The following SQLE variants were observed in gnomAD, a reference collection of about 807,000 sequenced individuals.
SQLE encodes squalene epoxidase.
SQLE carries 29 observed loss-of-function variants against 60.7 expected under a neutral mutation model. The observed-to-expected ratio is 0.48, with a 90% CI of 0.36 to 0.65. The LOEUF (loss-of-function observed/expected upper bound fraction) is 0.65, where lower values mean the gene tolerates loss of function less well. Ranked by LOEUF, SQLE falls within the 30% of genes least tolerant of loss-of-function variation. The pLI is 0.00. For synonymous variants in SQLE, 237 were observed against 246.8 expected, an observed-to-expected ratio of 0.96 and a Z score of 0.37; for missense variants, 605 against 684.1, an observed-to-expected ratio of 0.88 and a Z score of 1.29.
At chr8:125,001,488 GTA>G (rs1554587050) in intron 1 of SQLE, among the ~76,000 whole-genome samples, 3,235 of 113,754 alleles carry the variant, frequency 0.028, 73 homozygotes, top group Admixed American at 0.064. Flanking sequence ...GTGTGTGTGT[GTA>G]TATAAAACAG....
At chr8:125,004,117 C>T (rs920351631) in intron 2 of SQLE, among the ~76,000 whole-genome samples, 4 of 152,120 alleles carry the variant, frequency 2.6e-5, no homozygotes, top group Admixed American at 2.6e-4. Context: ...CATTTTATGT[C>T]ACTAATATAT....
chr8:125,006,841 A>AT (rs989373580), intron 3 of SQLE, among the ~76,000 whole-genome samples: 76 of 151,448 alleles, frequency 5.0e-4, no homozygotes, highest in African/African-American at 1.7e-3. Context: ...AGTAGCTGGG[A>AT]TTACAGGCAC....
chr8:124,999,133 G>A lies in SQLE; in HGVS notation c.-271G>A. The stretch of plus-strand genomic sequence containing the variant: ...GGAATATCTGGATTTCCTGGGCGAG[G>A]AGGAGCGAGTCTGCTCGGGAGCTGT... On this transcript the variant is annotated 5_prime_UTR_variant, in exon 1 of 11. Transcript: ENST00000265896. The A allele has an allele frequency of 5.3e-6, 2 of 375,762 alleles. No individual in the cohort carries two copies. Among genetic ancestry groups the A allele is most frequent in the African/African-American group, 2.1e-5 (1 of 48,432 alleles). 23.3% of individuals were successfully genotyped at this position (375,762 alleles called of 1,614,324 possible).
chr8:125,003,404 G>C lies in SQLE; in HGVS notation c.520G>C (p.Val174Leu). The change falls in exon 2 of 11, where the codon GTT (valine) becomes CTT (leucine). Residue 174 changes from valine to leucine, a missense_variant. Transcript: ENST00000265896. The part of the protein sequence containing the change: ...GEFLQPGGYH[V>L]LKDLGLGDTV... ...ATTCCTGCAGCCGGGTGGTTATCATGTTCTCAAAGACCTTGGTCTTGGAGG... is the reference window on the plus strand; with the variant it reads ...ATTCCTGCAGCCGGGTGGTTATCATCTTCTCAAAGACCTTGGTCTTGGAGG... 1 of 1,613,986 alleles carries C rather than the reference G, an allele frequency of 6.2e-7. No individual in the cohort carries two copies. The highest frequency in any genetic ancestry group is 8.5e-7 in the Non-Finnish European group (1 of 1,179,888).
intron 3 of SQLE, 78 bp from the exon 4 acceptor site, chr8:125,007,313 C>G: frequency 1.9e-6 from 2 of 1,071,588 alleles, no homozygotes; most frequent in Non-Finnish European, 2.6e-6. Context: ...TATGGATAAA[C>G]TGGAGATAAG....
At position 125,021,419 on chromosome 8, in the gene SQLE, G is replaced by C. The variant is rs184167379; in HGVS notation, c.1533-334G>C. Among the ~76,000 whole-genome samples the C allele has an allele frequency of 3.2e-3, 484 of 151,488 alleles. 1 individual carries two copies. Among genetic ancestry groups the C allele is most frequent in the Middle Eastern group, 0.01 (3 of 290 alleles). ...CCAGGCCATCTAGATATTTCAGCGT[G>C]GTGTCTCAGGATGAGTAAACAAACA... On this transcript the variant is annotated intron_variant, in intron 10 of 10. Coordinates refer to ENST00000265896, the MANE Select transcript of SQLE (RefSeq NM_003129.4).
At chr8:124,999,764 G>C in intron 1 of SQLE, 70 bp downstream of exon 1, 1 of 1,478,148 alleles carries the variant, frequency 6.8e-7, no homozygotes, top group Admixed American at 2.5e-5. Context: ...TCAAATATAA[G>C]TTTTATTTGA....
Position 125,016,643 on chromosome 8 carries a change from C to T in SQLE, c.1205-1416C>T, listed in dbSNP as rs999989130. On this transcript the variant is annotated intron_variant, in intron 7 of 10. Coordinates refer to ENST00000265896, the MANE Select transcript of SQLE (RefSeq NM_003129.4). This position sits in a 1 kb window ranked among gnomAD's most constrained non-coding sequence, Gnocchi z 4.1. ...GTTAATTTAGTGAGTTCATGTTTTC[C>T]TGGATGGTTTTGATGACTGTGGATG... Among the ~76,000 whole-genome samples the T allele has an allele frequency of 1.3e-5, 2 of 152,004 alleles. No individual in the cohort carries two copies. The highest frequency in any genetic ancestry group is 2.4e-5 in the African/African-American group (1 of 41,384).
chr8:125,014,330 T>C (rs1467475280), intron 7 of SQLE, among the ~76,000 whole-genome samples: 3 of 152,222 alleles, frequency 2.0e-5, no homozygotes, highest in Admixed American at 1.3e-4. Flanking sequence ...TCTTTTTTCT[T>C]AGTTTGTCTT....
At chr8:125,014,085 C>T (rs1391023954) in intron 7 of SQLE, among the ~76,000 whole-genome samples, 1 of 150,344 alleles carries the variant, frequency 6.7e-6, no homozygotes, top group Admixed American at 6.8e-5. Flanking sequence ...GTAAAACATA[C>T]ACTAAGATTA....
chr8:125,006,721 T>G (rs111690213), intron 3 of SQLE, among the ~76,000 whole-genome samples: 7,064 of 151,602 alleles, frequency 0.047, 262 homozygotes, highest in Non-Finnish European at 0.063. Flanking sequence ...TTTCTTTTTT[T>G]TGAGACTGAG....
chr8:124,999,077 C>T lies in SQLE; in HGVS notation c.-327C>T, dbSNP rs947848417. ...GAGTATCCATCACCCGCAGCAACCG[C>T]TCAGGGAACACCATCAAAAAAGAAA... On this transcript the variant is annotated 5_prime_UTR_variant, in exon 1 of 11. Transcript: ENST00000265896. The T allele has an allele frequency of 1.7e-5, 5 of 301,870 alleles. No homozygotes were observed. The Admixed American group carries it at 2.0e-4, about 12-fold the overall frequency. The allele number at this position is 301,870 out of a possible 1,614,324, so 18.7% of individuals were successfully genotyped here.
Position 125,005,556 on chromosome 8 carries a change from A to C in SQLE, c.576A>C (p.Val192=). 6.2e-7 allele frequency: 1 copy of C among 1,607,060 alleles called. No individual in the cohort carries two copies. Among genetic ancestry groups the C allele is most frequent in the Non-Finnish European group, 8.5e-7 (1 of 1,175,706 alleles). The change falls in exon 3 of 11, where the codon GTA becomes GTC. Residue 192 remains valine (V), a synonymous_variant. Coordinates refer to ENST00000265896, the MANE Select transcript of SQLE (RefSeq NM_003129.4). ...DTVEGLDAQV[V]NGYMIHDQES... ...TGGAAGGTCTTGATGCCCAGGTTGT[A>C]AATGGTTACATGATTCATGATCAGG...
intron 7 of SQLE, among the ~76,000 whole-genome samples, chr8:125,012,806 C>T (rs966321613): frequency 1.3e-5 from 2 of 152,154 alleles, no homozygotes; most frequent in African/African-American, 2.4e-5. Context: ...CATAGTAGTT[C>T]ACGTTTAACT....
chr8:125,010,775 C>CT (rs368685184), intron 6 of SQLE, among the ~76,000 whole-genome samples: 4,223 of 147,978 alleles, frequency 0.029, 120 homozygotes, highest in South Asian at 0.16. Flanking sequence ...GGTGGTTTTT[C>CT]TTTTTTTTTT....
chr8:125,007,382 A>T lies in SQLE; in HGVS notation c.726-9A>T, dbSNP rs1354046994. 2.6e-6 allele frequency: 4 copies of T among 1,514,686 alleles called. No homozygotes were observed. Among genetic ancestry groups the T allele is most frequent in the Admixed American group, 2.2e-5 (1 of 44,690 alleles). The allele number at this position is 1,514,686 out of a possible 1,614,324, so 93.8% of individuals were successfully genotyped here. The stretch of plus-strand genomic sequence containing the variant: ...CTGCTTTAGAAATGTATTTTTTTTT[A>T]TTCTTTAGTGCAAAGTTTATTGAAG... On this transcript the variant is annotated splice_polypyrimidine_tract_variant and intron_variant, in intron 3 of 10. Coordinates refer to ENST00000265896, the MANE Select transcript of SQLE (RefSeq NM_003129.4).
intron 3 of SQLE, among the ~76,000 whole-genome samples, chr8:125,006,546 A>G (rs1164920905): frequency 6.7e-6 from 1 of 148,852 alleles, no homozygotes; most frequent in Non-Finnish European, 1.5e-5. Flanking sequence ...GCTTGAACCC[A>G]GGAGGTGGAG....
chr8:125,000,003 A>G (rs10104486), intron 1 of SQLE: 1 of 535,718 alleles, frequency 1.9e-6, no homozygotes, highest in South Asian at 1.5e-5. Context: ...TTCCATGATG[A>G]AAAAGTTTTT....
In SQLE at chr8:125,018,671, C is replaced by T. The variant is rs1161281875; in HGVS notation, c.1388C>T (p.Ser463Phe). The change falls in exon 9 of 11, where the codon TCC (serine) becomes TTC (phenylalanine). Residue 463 changes from serine (S) to phenylalanine (F), a missense_variant. Coordinates refer to ENST00000265896, the MANE Select transcript of SQLE (RefSeq NM_003129.4). ...TACTGGGCAAGAAAAACATCTCATTCCTTTGTCGTGAATATCCTTGCTCAG... is the reference window on the plus strand; with the variant it reads ...TACTGGGCAAGAAAAACATCTCATTTCTTTGTCGTGAATATCCTTGCTCAG... ...SFYWARKTSH[S>F]FVVNILAQAL... is the part of the protein sequence containing the mutation. 3 of 1,606,602 alleles carry T rather than the reference C, an allele frequency of 1.9e-6. No homozygotes were observed. The highest frequency in any genetic ancestry group is 2.5e-6 in the Non-Finnish European group (3 of 1,178,028).
Sources: gnomAD v4.1 joint callset for allele counts (sites outside exome capture counted in the v4.1 genomes callset) on GRCh38, gnomAD v4.1.1 for gene constraint, Gnocchi (gnomAD v3.1) non-coding constraint, MANE v1.5 for transcripts, NCBI Gene and HGNC (gene_info 2026-07-23, HGNC 2026-07-21) for gene names.